Variants in MLH3 observed in about 807,000 individuals in gnomAD.
MLH3 encodes the protein DNA mismatch repair protein Mlh3.
A neutral mutation model predicts 122.2 loss-of-function variants in MLH3; 82 were observed. That is an observed-to-expected ratio of 0.67 (90% CI 0.56 to 0.81). The LOEUF is 0.81. Ranked by LOEUF, MLH3 falls within the 30% of genes least tolerant of loss-of-function variation. The pLI is 0.00. For missense variants in MLH3, 1,539 were observed against 1,714.5 expected (o/e 0.90, Z 1.81); for synonymous variants, 524 against 599.5 (o/e 0.87, Z 1.84).
Position 75,048,294 on chromosome 14 carries a change from T to C in MLH3, c.1362A>G (p.Thr454=), listed in dbSNP as rs1180202298. 1.9e-6 allele frequency: 3 copies of C among 1,614,126 alleles called. No individual in the cohort carries two copies. Among genetic ancestry groups the C allele is most frequent in the African/African-American group, 1.3e-5 (1 of 75,084 alleles). Residue 454 remains threonine (T), a synonymous_variant, in exon 2 of 13, where the codon ACA becomes ACG. Coordinates refer to ENST00000355774, the MANE Select transcript of MLH3 (RefSeq NM_001040108.2). ...TGTCTTTGTTTTGTAAAGATGGCTC[T>C]GTCATTTTGCTATGGCCTGGACCAC... ...ESGGPGHSKM[T]EPSLQNKDSS...
intron 9 of MLH3, among the ~76,000 whole-genome samples, chr14:75,023,487 AAC>A (rs1890425859): frequency 2.0e-5 from 3 of 152,238 alleles, no homozygotes; most frequent in African/African-American, 7.2e-5. Context: ...AACATAAGTA[AAC>A]AGTCACTTTA....
chr14:75,017,479 T>C (rs1431778466), intron 12 of MLH3, among the ~76,000 whole-genome samples: 1 of 151,798 alleles, frequency 6.6e-6, no homozygotes, highest in Non-Finnish European at 1.5e-5. Context: ...AGGCGGAGGT[T>C]GTGGTGAGCC....
intron 9 of MLH3, among the ~76,000 whole-genome samples, chr14:75,026,029 T>C (rs2098252): frequency 0.55 from 83,245 of 152,084 alleles, 23,278 homozygotes; most frequent in East Asian, 0.85. Flanking sequence ...TGCTACTGAC[T>C]CAGTCCAATC....
chr14:75,038,467 A>C, intron 5 of MLH3, 55 bp from the exon 6 acceptor site: 1 of 1,103,246 alleles, frequency 9.1e-7, no homozygotes, highest in South Asian at 1.2e-5. Flanking sequence ...ACAAAGGCTT[A>C]TTTGCATAGA....
chr14:75,020,674 G>A (rs1432381079), intron 11 of MLH3: 1 of 152,056 alleles, frequency 6.6e-6, no homozygotes, highest in Non-Finnish European at 1.5e-5. Flanking sequence ...GAAGGTGAAG[G>A]AGAAGCAGGC....
intron 3 of MLH3, 114 bp downstream of exon 3, chr14:75,042,265 T>C (rs2139502980): frequency 3.4e-6 from 3 of 885,818 alleles, no homozygotes; most frequent in African/African-American, 1.6e-5. Flanking sequence ...GGGGAATTCC[T>C]GATTCCAGTA....
rs1306602118 is a variant in MLH3, at chr14:75,046,688, C to T, written c.2968G>A (p.Ala990Thr). The stretch of plus-strand genomic sequence containing the variant: ...AGACTTCCTATCTGTTGTTCTGAGG[C>T]TCTGATAAGAACATCTGAATCTTTA... ...TGKDSDVLIR[A>T]SEQQIGSLDS... The change falls in exon 2 of 13, where the codon GCC becomes ACC. Residue 990 changes from alanine (A) to threonine (T), a missense_variant. By Grantham distance (58) the Ala-to-Thr change is moderately conservative. Coordinates refer to ENST00000355774, the MANE Select transcript of MLH3 (RefSeq NM_001040108.2). 3 of 1,614,026 alleles carry T rather than the reference C, an allele frequency of 1.9e-6. No homozygotes were observed. The highest frequency in any genetic ancestry group is 2.5e-6 in the Non-Finnish European group (3 of 1,179,920).
chr14:75,018,946 C>T lies in MLH3; in HGVS notation c.4125G>A (p.Gln1375=). 6.2e-7 allele frequency: 1 copy of T among 1,614,168 alleles called. No homozygotes were observed. The highest frequency in any genetic ancestry group is 1.1e-5 in the South Asian group (1 of 91,080). The change falls in exon 12 of 13, where the codon CAG becomes CAA. Residue 1375 remains glutamine (Q), a synonymous_variant. Transcript: ENST00000355774. ...GAGCTTCAATAAGGCGGCAACTTTC[C>T]TGTAAGCTCAGGCCATCATTAAACT... ...AIKFNDGLSL[Q]ESCRLIEALS...
chr14:75,038,265 T>C, intron 6 of MLH3, 75 bp downstream of exon 6: 1 of 995,962 alleles, frequency 1.0e-6, no homozygotes, highest in South Asian at 1.3e-5. Flanking sequence ...CTATATTATA[T>C]ACCAAAAATA....
chr14:75,040,475 A>AAAAAAAAAAAAAC (rs1891770851), intron 4 of MLH3, among the ~76,000 whole-genome samples: 1 of 150,466 alleles, frequency 6.6e-6, no homozygotes, highest in Non-Finnish European at 1.5e-5. Flanking sequence ...AAAAAAAAAA[A>AAAAAAAAAAAAAC]AAAAAAAAAT....
Position 75,049,205 on chromosome 14 carries a change from G to C in MLH3, c.451C>G (p.Leu151Val). 6.2e-7 allele frequency: 1 copy of C among 1,614,180 alleles called. No homozygotes were observed. ...SAGTTVTVYN[L>V]FYQLPVRRKC... ...CTCCTTACAGGAAGCTGGTAAAATA[G>C]GTTATACACTGTTACAGTAGTCCCA... Residue 151 changes from leucine (L) to valine (V), a missense_variant, in exon 2 of 13, where the codon CTA becomes GTA. Transcript: ENST00000355774.
Position 75,048,791 on chromosome 14 carries a change from G to A in MLH3, c.865C>T (p.Gln289Ter). 6.2e-7 allele frequency: 1 copy of A among 1,614,102 alleles called. No individual in the cohort carries two copies. Residue 289 changes from glutamine (Q) to a stop codon, truncating the protein, a stop_gained, in exon 2 of 13, where the codon CAA becomes TAA. Coordinates refer to ENST00000355774, the MANE Select transcript of MLH3 (RefSeq NM_001040108.2). LOFTEE classifies it high-confidence loss of function. ...CGGTGCCGAAGACTTGAATTCATTT[G>A]CCTACTGGTGGGACCATTCTTTGGC... ...CKPKNGPTSR[Q>*]MNSSLRHRST...
intron 1 of MLH3, among the ~76,000 whole-genome samples, chr14:75,050,619 C>A (rs560409198): frequency 3.5e-4 from 54 of 152,224 alleles, no homozygotes; most frequent in Middle Eastern, 3.4e-3. Context: ...AGCCTGGTCT[C>A]GAACTCCTGA....
intron 9 of MLH3, among the ~76,000 whole-genome samples, chr14:75,026,296 A>G (rs1488852355): frequency 1.3e-5 from 2 of 152,248 alleles, no homozygotes; most frequent in Non-Finnish European, 2.9e-5. Flanking sequence ...ATAAAAAAGG[A>G]AGAGTGAGAT....
At chr14:75,022,368 C>G (rs1286894424) in intron 11 of MLH3, among the ~76,000 whole-genome samples, 1 of 152,206 alleles carries the variant, frequency 6.6e-6, no homozygotes, top group Non-Finnish European at 1.5e-5. Context: ...CCTTCTGTAT[C>G]AAATCCAAAG....
rs1053819334 is a variant in MLH3, at chr14:75,027,947, G to C, written c.3987+2596C>G. Reference sequence around the variant, plus strand: ...GTGAATTACTTTTAAACTTTGATAAGTATGCATGCTAAAAGTTAAGGCTAA... The same window carrying C: ...GTGAATTACTTTTAAACTTTGATAACTATGCATGCTAAAAGTTAAGGCTAA... On this transcript the variant is annotated intron_variant, in intron 9 of 12. Coordinates refer to ENST00000355774, the MANE Select transcript of MLH3 (RefSeq NM_001040108.2). Among the ~76,000 whole-genome samples the C allele has an allele frequency of 1.5e-4, 22 of 151,228 alleles. 3 individuals are homozygous for C. The highest frequency in any genetic ancestry group is 1.3e-3 in the Admixed American group (20 of 15,188).
At position 75,047,343 on chromosome 14, in the gene MLH3, T is replaced by A. The variant is rs530478485; in HGVS notation, c.2313A>T (p.Glu771Asp). The change falls in exon 2 of 13, where the codon GAA (glutamate) becomes GAT (aspartate). Residue 771 changes from glutamate (E) to aspartate (D), a missense_variant. Coordinates refer to ENST00000355774, the MANE Select transcript of MLH3 (RefSeq NM_001040108.2). Reference protein sequence around the residue: ...YGKVENPLDTEVEESNGVTTN... With the variant: ...YGKVENPLDTDVEESNGVTTN... ...TAGTGACTCCATTACTTTCCTCTAC[T>A]TCTGTATCCAGAGGATTTTCAACCT... The A allele has an allele frequency of 1.2e-6, 2 of 1,614,160 alleles. No homozygotes were observed. The highest frequency in any genetic ancestry group is 2.7e-5 in the African/African-American group (2 of 75,070).
chr14:75,040,871 A>T (rs1891806591), intron 4 of MLH3, among the ~76,000 whole-genome samples: 1 of 152,178 alleles, frequency 6.6e-6, no homozygotes, highest in African/African-American at 2.4e-5. Flanking sequence ...CATTGATTAT[A>T]CATGTTTAAT....
chr14:75,032,657 C>A (rs1891129122), intron 7 of MLH3, among the ~76,000 whole-genome samples: 1 of 151,704 alleles, frequency 6.6e-6, no homozygotes, highest in Admixed American at 6.6e-5. Context: ...CTTAGGCCGT[C>A]ATTTTATAAG....
Sources: allele counts gnomAD v4.1 joint callset (sites outside exome capture counted in the v4.1 genomes callset), GRCh38; gene constraint gnomAD v4.1.1; transcripts MANE v1.5; gene names NCBI Gene and HGNC (gene_info 2026-07-23, HGNC 2026-07-21).